The following NRXN1 variants were observed in gnomAD, a reference collection of about 807,000 sequenced individuals.
NRXN1 encodes neurexin 1, also known as neurexin-1.
A neutral mutation model predicts 150.9 loss-of-function variants in NRXN1; 39 were observed. The observed-to-expected ratio is 0.26, with a 90% confidence interval of 0.20 to 0.34. NRXN1 has a LOEUF of 0.34. Among genes scored for constraint, NRXN1 ranks in the 10% least tolerant of loss-of-function variants. The pLI, the probability that NRXN1 is intolerant of heterozygous loss-of-function variation, is 1.00. For synonymous variants in NRXN1, 924 were observed against 757.0 expected, an observed-to-expected ratio of 1.22 and a Z score of -3.62; for missense variants, 1,815 against 1,949.9, an observed-to-expected ratio of 0.93 and a Z score of 1.30.
chr2:50,901,260 G>T (rs1682891519), intron 5 of NRXN1, among the ~76,000 whole-genome samples: 1 of 152,072 alleles, frequency 6.6e-6, no homozygotes. Context: ...ATGAGGCTGG[G>T]CACGGTGGCT....
chr2:50,800,195 T>G (rs1707394455), intron 5 of NRXN1, among the ~76,000 whole-genome samples: 2 of 152,158 alleles, frequency 1.3e-5, no homozygotes, highest in South Asian at 4.1e-4. Flanking sequence ...TATTTTGACT[T>G]TATAATTTTT....
In NRXN1 at chr2:50,592,212, A is replaced by G. The variant is rs564177744; in HGVS notation, c.1320+27810T>C. Among the ~76,000 whole-genome samples the G allele has an allele frequency of 1.1e-3, 165 of 152,372 alleles. 6 individuals are homozygous for G. The South Asian group carries it at 0.033, about 30-fold the overall frequency. On this transcript the variant is annotated intron_variant, in intron 8 of 22. Coordinates refer to ENST00000401669, the MANE Select transcript of NRXN1 (RefSeq NM_001330078.2). ...GCGAAATGACAGTTTAAGGAAATTAAGAAACTTGTTCAAGTTTTACAACCA... is the reference window on the plus strand; with the variant it reads ...GCGAAATGACAGTTTAAGGAAATTAGGAAACTTGTTCAAGTTTTACAACCA...
intron 2 of NRXN1, among the ~76,000 whole-genome samples, chr2:50,927,049 G>C (rs895298814): frequency 1.3e-4 from 20 of 151,836 alleles, no homozygotes; most frequent in Admixed American, 5.9e-4. Flanking sequence ...TGTTCTAATA[G>C]TAAACTCTAC....
At chr2:50,515,600 G>GGGGGGTGTGT (rs952552460) in intron 12 of NRXN1, among the ~76,000 whole-genome samples, 4 of 143,512 alleles carry the variant, frequency 2.8e-5, no homozygotes, top group African/African-American at 1.0e-4. Flanking sequence ...AAATGCTTGG[G>GGGGGGTGTGT]GTGTGTGTGT....
At chr2:50,697,556 G>GT (rs1693102129) in intron 5 of NRXN1, among the ~76,000 whole-genome samples, 1 of 152,120 alleles carries the variant, frequency 6.6e-6, no homozygotes, top group African/African-American at 2.4e-5. Context: ...TACTTCCTCT[G>GT]TGGTTTCATC....
intron 5 of NRXN1, among the ~76,000 whole-genome samples, chr2:50,795,208 G>A (rs1321359514): frequency 6.6e-6 from 1 of 152,068 alleles, no homozygotes; most frequent in Non-Finnish European, 1.5e-5. Flanking sequence ...AGATTTACCT[G>A]GAGGGTTTGG....
At chr2:50,309,245 T>C (rs566292387) in intron 17 of NRXN1, among the ~76,000 whole-genome samples, 13 of 152,324 alleles carry the variant, frequency 8.5e-5, no homozygotes, top group African/African-American at 3.1e-4. Flanking sequence ...GATATTCTTA[T>C]GATTCCAAAT....
chr2:50,535,371 TTA>T (rs1173474961), intron 10 of NRXN1, among the ~76,000 whole-genome samples: 1 of 152,252 alleles, frequency 6.6e-6, no homozygotes, highest in Non-Finnish European at 1.5e-5. Flanking sequence ...CTTTTCTACA[TTA>T]TTCTTTGTTG....
At chr2:50,735,278 C>T (rs985615365) in intron 5 of NRXN1, among the ~76,000 whole-genome samples, 1 of 151,782 alleles carries the variant, frequency 6.6e-6, no homozygotes, top group Non-Finnish European at 1.5e-5. Flanking sequence ...TTAATTTATA[C>T]TTTTCATATG....
chr2:49,930,575 A>G (rs934013894), intron 22 of NRXN1, among the ~76,000 whole-genome samples: 1 of 152,226 alleles, frequency 6.6e-6, no homozygotes, highest in Non-Finnish European at 1.5e-5. Flanking sequence ...ACCGTATATC[A>G]CATCACAAAT....
At chr2:49,937,156 A>T (rs1251427077) in intron 22 of NRXN1, among the ~76,000 whole-genome samples, 3 of 152,238 alleles carry the variant, frequency 2.0e-5, no homozygotes. Context: ...AGTGGGCTCC[A>T]TGCTCCAAAC....
chr2:50,941,351 C>T (rs1476575852), intron 2 of NRXN1, among the ~76,000 whole-genome samples: 1 of 152,084 alleles, frequency 6.6e-6, no homozygotes, highest in South Asian at 2.1e-4. Context: ...AACTTTGGAA[C>T]TGGGTAACGG....
At chr2:49,957,363 A>G (rs1414074552) in intron 21 of NRXN1, among the ~76,000 whole-genome samples, 2 of 152,170 alleles carry the variant, frequency 1.3e-5, no homozygotes, top group East Asian at 3.9e-4. Context: ...AATATTTATT[A>G]CATAGATACA....
chr2:51,021,248 T>C (rs1669563169), intron 2 of NRXN1, among the ~76,000 whole-genome samples: 1 of 152,006 alleles, frequency 6.6e-6, no homozygotes, highest in African/African-American at 2.4e-5. Flanking sequence ...TTCTAATAGG[T>C]TTATTAACCC....
chr2:50,919,965 T>C (rs1251448358), intron 5 of NRXN1: 3 of 367,900 alleles, frequency 8.2e-6, no homozygotes, highest in African/African-American at 2.1e-5. Flanking sequence ...GTCATAGTCA[T>C]GATTGTATTT....
At chr2:50,290,720 A>G (rs2072812629) in intron 17 of NRXN1, among the ~76,000 whole-genome samples, 1 of 152,144 alleles carries the variant, frequency 6.6e-6, no homozygotes, top group South Asian at 2.1e-4. Flanking sequence ...TGGAGTTAGA[A>G]TGCTGGTTTA....
At chr2:50,887,467 G>C (rs1680423212) in intron 5 of NRXN1, among the ~76,000 whole-genome samples, 1 of 151,348 alleles carries the variant, frequency 6.6e-6, no homozygotes, top group Non-Finnish European at 1.5e-5. Flanking sequence ...AAAAACTCCT[G>C]GTACATTTCT....
chr2:50,177,979 G>A (rs1212361593), intron 18 of NRXN1, among the ~76,000 whole-genome samples: 1 of 151,920 alleles, frequency 6.6e-6, no homozygotes, highest in African/African-American at 2.4e-5. Context: ...GTCCTATGAT[G>A]GATTTCAGAA....
intron 5 of NRXN1, among the ~76,000 whole-genome samples, chr2:50,712,221 TA>T (rs1559156245): frequency 6.6e-6 from 1 of 152,170 alleles, no homozygotes; most frequent in African/African-American, 2.4e-5. Context: ...CAACACATTA[TA>T]AACATCAGGT....
Sources: gnomAD v4.1 joint callset for allele counts (sites outside exome capture counted in the v4.1 genomes callset) on GRCh38, gnomAD v4.1.1 for gene constraint, MANE v1.5 for transcripts, NCBI Gene and HGNC (gene_info 2026-07-23, HGNC 2026-07-21) for gene names.